ADAM9: variants seen among roughly 807,000 people sequenced by gnomAD.
ADAM9 encodes ADAM metallopeptidase domain 9, also known as disintegrin and metalloproteinase domain-containing protein 9.
A neutral mutation model predicts 108.1 loss-of-function variants in ADAM9; 54 were observed. The ratio of observed to expected loss-of-function variants is 0.50; its 90% CI spans 0.40 to 0.63. ADAM9 has a LOEUF of 0.63. Ranked by LOEUF, ADAM9 falls within the 20% of genes least tolerant of loss-of-function variation. The pLI, the probability that ADAM9 is intolerant of heterozygous loss-of-function variation, is 0.00. For synonymous variants in ADAM9, 316 were observed against 336.0 expected, an observed-to-expected ratio of 0.94 and a Z score of 0.65; for missense variants, 830 against 997.7, an observed-to-expected ratio of 0.83 and a Z score of 2.26.
At chr8:39,021,575 C>A in intron 7 of ADAM9, 68 bp from the exon 8 acceptor site, 1 of 1,399,048 alleles carries the variant, frequency 7.1e-7, no homozygotes, top group Non-Finnish European at 1.0e-6. Flanking sequence ...TGAGGTACTG[C>A]ACCCGGCCTT....
At position 39,083,428 on chromosome 8, in the gene ADAM9, C is replaced by T. The variant is rs186263184; in HGVS notation, c.2068+355C>T. Among the ~76,000 whole-genome samples, 451 of 152,300 alleles carry T rather than the reference C, an allele frequency of 3.0e-3. 2 individuals carry two copies. The highest frequency in any genetic ancestry group is 0.01 in the African/African-American group (427 of 41,580). ...GTCTGCATTGCTATTAGAATGAAGT[C>T]CACAACTCCTTAACATGGGTTAAAT... On this transcript the variant is annotated intron_variant, in intron 18 of 21. Coordinates refer to ENST00000487273, the MANE Select transcript of ADAM9 (RefSeq NM_003816.3).
intron 13 of ADAM9, among the ~76,000 whole-genome samples, chr8:39,054,906 A>G (rs1051386939): frequency 2.0e-5 from 3 of 152,264 alleles, no homozygotes; most frequent in Middle Eastern, 6.8e-3. Flanking sequence ...ACTGTTGATA[A>G]TTTGTTAATA....
At chr8:39,070,345 T>G (rs905821717) in intron 14 of ADAM9, among the ~76,000 whole-genome samples, 1 of 152,142 alleles carries the variant, frequency 6.6e-6, no homozygotes, top group Non-Finnish European at 1.5e-5. Context: ...TTTATCCTTC[T>G]GGATAAATTT....
In ADAM9 at chr8:39,017,182, T is replaced by C. The variant is rs780264270; in HGVS notation, c.411-37T>C. On this transcript the variant is annotated intron_variant, in intron 5 of 21. Transcript: ENST00000487273. ...TTTCTGATTCCTTGTGTATTTTCTTTTTCTTAAAATTTGTATACGTGTAAT... is the reference window on the plus strand; with the variant it reads ...TTTCTGATTCCTTGTGTATTTTCTTCTTCTTAAAATTTGTATACGTGTAAT... 4.3e-6 allele frequency: 7 copies of C among 1,611,026 alleles called. No individual in the cohort carries two copies. The African/African-American group carries it at 9.4e-5, about 22-fold the overall frequency.
chr8:39,056,771 G>A (rs1452408645), intron 14 of ADAM9, among the ~76,000 whole-genome samples: 4 of 152,054 alleles, frequency 2.6e-5, no homozygotes, highest in Non-Finnish European at 5.9e-5. Context: ...GAGTTGATTA[G>A]TGGCATCAAG....
Position 39,021,719 on chromosome 8 carries a change from G to A in ADAM9, c.744+5G>A. 6.2e-7 allele frequency: 1 copy of A among 1,609,974 alleles called. No homozygotes were observed. Among genetic ancestry groups the A allele is most frequent in the Non-Finnish European group, 8.5e-7 (1 of 1,176,274 alleles). The stretch of plus-strand genomic sequence containing the variant: ...CTGGCAAACTACTTGGATAGTGTAA[G>A]TTGTATTTTCTATCAACCAGGATGA... On this transcript the variant is annotated splice_donor_5th_base_variant and intron_variant, in intron 8 of 21. Transcript: ENST00000487273.
At chr8:39,034,548 C>G (rs115408052) in intron 11 of ADAM9, among the ~76,000 whole-genome samples, 38 of 152,172 alleles carry the variant, frequency 2.5e-4, no homozygotes, top group African/African-American at 7.9e-4. Context: ...TTTGACTTTC[C>G]TTTAATGTGT....
At chr8:39,000,298 C>G (rs1461958575) in intron 1 of ADAM9, among the ~76,000 whole-genome samples, 1 of 152,164 alleles carries the variant, frequency 6.6e-6, no homozygotes, top group African/African-American at 2.4e-5. Flanking sequence ...CAGCCTCTCT[C>G]ACAGTCTTTG....
In ADAM9 at chr8:39,048,360, AT is replaced by A. The variant is rs577295752; in HGVS notation, c.1303-6117del. Among the ~76,000 whole-genome samples, 361 of 151,948 alleles carry A rather than the reference AT, an allele frequency of 2.4e-3. 10 individuals carry two copies. The highest frequency in any genetic ancestry group is 0.021 in the East Asian group (107 of 5,178). ...TTGTTTAATTTCCACATATTGGTGA[AT>A]TTTCCATTTTCCTTTCTGCTTTTAT... On this transcript the variant is annotated intron_variant, in intron 12 of 21. Coordinates refer to ENST00000487273, the MANE Select transcript of ADAM9 (RefSeq NM_003816.3).
chr8:39,020,436 A>G (rs1168314450), intron 7 of ADAM9, among the ~76,000 whole-genome samples: 1 of 152,200 alleles, frequency 6.6e-6, no homozygotes, highest in African/African-American at 2.4e-5. Flanking sequence ...CCTAACTGAT[A>G]AAATCTGATA....
intron 12 of ADAM9, among the ~76,000 whole-genome samples, chr8:39,048,998 G>GTTT (rs34077661): frequency 8.2e-6 from 1 of 121,466 alleles, no homozygotes; most frequent in African/African-American, 3.0e-5. Context: ...ATAGCATATA[G>GTTT]TTTTTTTTTT....
intron 15 of ADAM9, among the ~76,000 whole-genome samples, chr8:39,072,191 A>G (rs1838716322): frequency 6.6e-6 from 1 of 152,262 alleles, no homozygotes; most frequent in Admixed American, 6.5e-5. Flanking sequence ...GGAAAAAGTC[A>G]TGTATAATCT....
rs10108538 is a variant in ADAM9, at chr8:39,043,931, A to G, written c.1302+1814A>G. On this transcript the variant is annotated intron_variant, in intron 12 of 21. Coordinates refer to ENST00000487273, the MANE Select transcript of ADAM9 (RefSeq NM_003816.3). ...AATTAGGAAAATTAACCCATTTTAA[A>G]TCAGGTTATTAGTTTTTCATTTTTT... is the stretch of plus-strand genomic sequence containing the variant. Among the ~76,000 whole-genome samples, 1,200 of 152,258 alleles carry G rather than the reference A, an allele frequency of 7.9e-3. 20 individuals carry two copies. Among genetic ancestry groups the G allele is most frequent in the African/African-American group, 0.027 (1,140 of 41,562 alleles).
At chr8:39,081,858 C>T (rs892409270) in intron 16 of ADAM9, among the ~76,000 whole-genome samples, 4 of 152,280 alleles carry the variant, frequency 2.6e-5, no homozygotes, top group African/African-American at 9.6e-5. Flanking sequence ...ACTCAACAGT[C>T]TTTTAAAACG....
At chr8:39,056,961 T>C (rs1357881758) in intron 14 of ADAM9, among the ~76,000 whole-genome samples, 2 of 152,196 alleles carry the variant, frequency 1.3e-5, no homozygotes, top group Non-Finnish European at 2.9e-5. Context: ...CAGTGAGAGA[T>C]TGCATATACA....
chr8:39,043,332 T>G (rs1837511783), intron 12 of ADAM9, among the ~76,000 whole-genome samples: 2 of 152,196 alleles, frequency 1.3e-5, no homozygotes, highest in African/African-American at 4.8e-5. Flanking sequence ...TATTTTTAAT[T>G]TTTAAAAGAA....
At chr8:39,045,344 A>ATGTGTGTGTACACCTATACG (rs1390598733) in intron 12 of ADAM9, among the ~76,000 whole-genome samples, 8 of 122,842 alleles carry the variant, frequency 6.5e-5, no homozygotes, top group Non-Finnish European at 1.4e-4. Flanking sequence ...ACACCTATAC[A>ATGTGTGTGTACACCTATACG]TGTGTGTACA....
chr8:39,019,539 CT>C (rs901853411), intron 7 of ADAM9, among the ~76,000 whole-genome samples: 1 of 152,082 alleles, frequency 6.6e-6, no homozygotes, highest in Non-Finnish European at 1.5e-5. Context: ...TTTCATGTTG[CT>C]TTTTTTATTG....
chr8:39,066,120 A>G (rs1838463486), intron 14 of ADAM9, among the ~76,000 whole-genome samples: 3 of 152,280 alleles, frequency 2.0e-5, no homozygotes, highest in East Asian at 3.9e-4. Flanking sequence ...CATGGTGTCT[A>G]TGTGCCACGT....
Sources: allele counts gnomAD v4.1 joint callset (sites outside exome capture counted in the v4.1 genomes callset), GRCh38; gene constraint gnomAD v4.1.1; transcripts MANE v1.5; gene names NCBI Gene and HGNC (gene_info 2026-07-23, HGNC 2026-07-21).